Variants in HKDC1 observed in about 807,000 individuals in gnomAD.
The protein encoded by HKDC1 is hexokinase HKDC1.
Under a neutral mutation model 96.6 loss-of-function variants are expected in HKDC1, and 66 were observed. The observed-to-expected ratio is 0.68, with a 90% CI of 0.56 to 0.84. The LOEUF (loss-of-function observed/expected upper bound fraction) is 0.84. HKDC1 is among the 40% of genes least tolerant of loss of function. The probability of loss-of-function intolerance (pLI) is 0.00; values close to 1 mark genes in which losing one functional copy is unlikely to be tolerated. For missense variants in HKDC1, 1,211 were observed against 1,208.1 expected (o/e 1.00, Z -0.04); for synonymous variants, 466 against 473.1 (o/e 0.98, Z 0.20).
At chr10:69,262,949 A>G (rs1564738208) in intron 16 of HKDC1, among the ~76,000 whole-genome samples, 1 of 151,994 alleles carries the variant, frequency 6.6e-6, no homozygotes, top group African/African-American at 2.4e-5. Flanking sequence ...ATAAAAGAAA[A>G]GTTGTTCCTA....
In HKDC1 at chr10:69,239,072, A is replaced by G; in HGVS notation, c.526A>G (p.Lys176Glu). Residue 176 changes from lysine to glutamate, a missense_variant, in exon 5 of 18, where the codon AAG becomes GAG. Transcript: ENST00000354624. ...CCTACTTTCGTGGACAAAAAAGTTTAAGGCACGAGGAGTTCAGGACACGGA... is the reference window on the plus strand; with the variant it reads ...CCTACTTTCGTGGACAAAAAAGTTTGAGGCACGAGGAGTTCAGGACACGGA... The part of the protein sequence containing the change: ...GVLLSWTKKF[K>E]ARGVQDTDVV... The G allele has an allele frequency of 6.2e-7, 1 of 1,613,822 alleles. No individual in the cohort carries two copies. Among genetic ancestry groups the G allele is most frequent in the South Asian group, 1.1e-5 (1 of 91,058 alleles).
At chr10:69,245,963 C>T in intron 7 of HKDC1, 116 bp from the exon 8 acceptor site, 1 of 1,304,918 alleles carries the variant, frequency 7.7e-7, no homozygotes, top group Non-Finnish European at 1.1e-6. Flanking sequence ...AGGAGGGAAT[C>T]TTAGCTCAGC....
At chr10:69,221,857 C>T (rs1021972762) in intron 1 of HKDC1, among the ~76,000 whole-genome samples, 5 of 151,408 alleles carry the variant, frequency 3.3e-5, no homozygotes, top group African/African-American at 7.3e-5. Flanking sequence ...GGCTTGAGCC[C>T]GGGAGACTGC....
chr10:69,229,934 A>G (rs979297521), intron 2 of HKDC1, among the ~76,000 whole-genome samples: 1 of 152,172 alleles, frequency 6.6e-6, no homozygotes, highest in Non-Finnish European at 1.5e-5. Context: ...ATCTTGTCCC[A>G]AGTCCTCCTA....
chr10:69,261,095 T>G, intron 15 of HKDC1, 44 bp from the exon 16 acceptor site: 1 of 1,581,540 alleles, frequency 6.3e-7, no homozygotes, highest in Non-Finnish European at 8.7e-7. Context: ...TGTGGTCTTC[T>G]GCATTGCAGG....
rs1333095784 is a variant in HKDC1 at position 69,248,666 on chromosome 10, G to T, written c.1508G>T (p.Ser503Ile). ...AELEYGLKKK[S>I]HGLATVRMLP... ...CTGGAGTATGGGCTGAAGAAGAAGA[G>T]CCACGGGCTGGCCACGGTCAGGATG... The change falls in exon 10 of 18, where the codon AGC becomes ATC. Residue 503 changes from serine to isoleucine, a missense_variant. Coordinates refer to ENST00000354624, the MANE Select transcript of HKDC1 (RefSeq NM_025130.4). 6.2e-7 allele frequency: 1 copy of T among 1,613,998 alleles called. No individual in the cohort carries two copies. The highest frequency in any genetic ancestry group is 8.5e-7 in the Non-Finnish European group (1 of 1,180,004).
intron 12 of HKDC1, among the ~76,000 whole-genome samples, chr10:69,255,243 C>G (rs1843700709): frequency 6.6e-6 from 1 of 152,224 alleles, no homozygotes; most frequent in Non-Finnish European, 1.5e-5. Context: ...AGAGAGACGT[C>G]AAAAAATAGA....
rs1283196836 is a variant in HKDC1, at chr10:69,258,799, A to G, written c.2056A>G (p.Met686Val). 39 of 1,614,044 alleles carry G rather than the reference A, an allele frequency of 2.4e-5. No homozygotes were observed. Among genetic ancestry groups the G allele is most frequent in the Non-Finnish European group, 3.3e-5 (39 of 1,180,040 alleles). The change falls in exon 15 of 18, where the codon ATG (methionine) becomes GTG (valine). Residue 686 changes from methionine to valine, a missense_variant. By Grantham distance (21) the Met-to-Val change is conservative. Transcript: ENST00000354624. ...AGGAACAGGCAGCAACATGTGCTAC[A>G]TGGAGGACATGAGGAACATCGAGAT... is the stretch of plus-strand genomic sequence containing the variant. ...IAGTGSNMCY[M>V]EDMRNIEMVE...
chr10:69,248,248 C>T (rs1181171523), intron 9 of HKDC1, among the ~76,000 whole-genome samples, 176 bp from the exon 10 acceptor site: 2 of 152,182 alleles, frequency 1.3e-5, no homozygotes, highest in Non-Finnish European at 2.9e-5. Context: ...CCTTCCACTG[C>T]CCCAGCTTCT....
intron 17 of HKDC1, 110 bp from the exon 18 acceptor site, chr10:69,266,500 C>CTTGAT (rs1039851209): frequency 8.3e-7 from 1 of 1,207,132 alleles, no homozygotes; most frequent in African/African-American, 1.5e-5. Context: ...TGTTTAGAGC[C>CTTGAT]TTGAAAAGCA....
intron 4 of HKDC1, among the ~76,000 whole-genome samples, chr10:69,238,368 CTTTTTTTTT>C (rs55819248): frequency 3.3e-5 from 2 of 61,368 alleles, no homozygotes; most frequent in Non-Finnish European, 3.0e-5. Context: ...CAGGTATTTT[CTTTTTTTTT>C]TTTTTTTTTT....
chr10:69,263,532 C>A (rs1175533508), intron 16 of HKDC1, among the ~76,000 whole-genome samples: 1 of 152,178 alleles, frequency 6.6e-6, no homozygotes, highest in Non-Finnish European at 1.5e-5. Flanking sequence ...ACAGTGTTCT[C>A]CGGGGGAAGT....
At chr10:69,231,592 G>A (rs1843262552) in intron 2 of HKDC1, among the ~76,000 whole-genome samples, 2 of 152,080 alleles carry the variant, frequency 1.3e-5, no homozygotes, top group Non-Finnish European at 2.9e-5. Context: ...GCTTTGACCT[G>A]GATATCTCTC....
chr10:69,257,945 A>G (rs966484191), intron 14 of HKDC1, among the ~76,000 whole-genome samples: 1 of 152,100 alleles, frequency 6.6e-6, no homozygotes, highest in Non-Finnish European at 1.5e-5. Flanking sequence ...TGTTCTCTCT[A>G]AGAGGGGTAG....
At chr10:69,247,114 C>G (rs1458698066) in intron 8 of HKDC1, among the ~76,000 whole-genome samples, 1 of 152,178 alleles carries the variant, frequency 6.6e-6, no homozygotes, top group African/African-American at 2.4e-5. Context: ...GACGGTGCCT[C>G]CCGCAGGATT....
At chr10:69,235,611 G>A (rs1843349159) in intron 4 of HKDC1, among the ~76,000 whole-genome samples, 1 of 152,174 alleles carries the variant, frequency 6.6e-6, no homozygotes, top group Non-Finnish European at 1.5e-5. Context: ...GGTGGAGTGA[G>A]AGTGTGCCAG....
At chr10:69,232,087 C>T (rs563935773) in intron 2 of HKDC1, among the ~76,000 whole-genome samples, 2 of 152,340 alleles carry the variant, frequency 1.3e-5, no homozygotes, top group South Asian at 2.1e-4. Context: ...AGGTGATCTG[C>T]CCGTCTCGGC....
Position 69,260,027 on chromosome 10 carries a change from T to C in HKDC1, c.2216+1068T>C, listed in dbSNP as rs954727277. 2.0e-5 allele frequency among the ~76,000 whole-genome samples: 3 copies of C among 152,208 alleles called. No homozygotes were observed. The East Asian group carries it at 5.8e-4, about 29-fold the overall frequency. ...ACTTATTCTGTAAAAGAACAGATAG[T>C]AAATGTTTTAGGTTTTGCAGGCCAT... On this transcript the variant is annotated intron_variant, in intron 15 of 17. Transcript: ENST00000354624.
chr10:69,254,642 T>A (rs1843692513), intron 12 of HKDC1, among the ~76,000 whole-genome samples: 2 of 152,194 alleles, frequency 1.3e-5, no homozygotes, highest in African/African-American at 2.4e-5. Flanking sequence ...TTTATAGGTG[T>A]GTTTTGTGGT....
Sources: allele counts gnomAD v4.1 joint callset (sites outside exome capture counted in the v4.1 genomes callset), GRCh38; gene constraint gnomAD v4.1.1; transcripts MANE v1.5; gene names NCBI Gene and HGNC (gene_info 2026-07-23, HGNC 2026-07-21).